STIM1: variants seen among roughly 807,000 people sequenced by gnomAD.
STIM1 encodes stromal interaction molecule 1.
Under a neutral mutation model 74.7 loss-of-function variants are expected in STIM1, and 25 were observed. The ratio of observed to expected loss-of-function variants is 0.33; its 90% CI spans 0.24 to 0.47. STIM1 has a LOEUF of 0.47. Ranked by LOEUF, STIM1 falls within the 20% of genes least tolerant of loss-of-function variation. The probability of loss-of-function intolerance (pLI) is 1.00; values close to 1 mark genes in which losing one functional copy is unlikely to be tolerated. For missense variants in STIM1, 728 were observed against 920.8 expected (o/e 0.79, Z 2.71); for synonymous variants, 328 against 348.8 (o/e 0.94, Z 0.66).
rs1452752274 is a variant in STIM1 at position 3,920,985 on chromosome 11, G to A, written c.140-46567G>A. ...TAATTTTTGTATTTTTAGTAGAGACGGGGTTTCACCATGTTGACCAGGCTG... is the reference window on the plus strand; with the variant it reads ...TAATTTTTGTATTTTTAGTAGAGACAGGGTTTCACCATGTTGACCAGGCTG... On this transcript the variant is annotated intron_variant, in intron 1 of 12. Coordinates refer to ENST00000526596, the MANE Select transcript of STIM1 (RefSeq NM_001382567.1). 4.0e-5 allele frequency among the ~76,000 whole-genome samples: 6 copies of A among 151,832 alleles called. No homozygotes were observed. The East Asian group carries it at 5.8e-4, about 15-fold the overall frequency.
At chr11:3,972,565 G>T (rs2093406836) in intron 2 of STIM1, among the ~76,000 whole-genome samples, 1 of 151,992 alleles carries the variant, frequency 6.6e-6, no homozygotes, top group South Asian at 2.1e-4. Context: ...CTCTTTGTTG[G>T]CATGCTTTAC....
At chr11:3,991,444 T>C (rs543981807) in intron 2 of STIM1, among the ~76,000 whole-genome samples, 199 of 152,030 alleles carry the variant, frequency 1.3e-3, no homozygotes, top group Non-Finnish European at 2.5e-3. Context: ...GTGCTGGTAT[T>C]ACAGGCGTGA....
intron 1 of STIM1, among the ~76,000 whole-genome samples, chr11:3,957,654 T>G (rs945768090): frequency 3.3e-5 from 5 of 152,094 alleles, no homozygotes; most frequent in African/African-American, 1.2e-4. Flanking sequence ...ACTCCTGGAC[T>G]CGAGCAGTCC....
intron 3 of STIM1, among the ~76,000 whole-genome samples, chr11:4,039,824 G>T (rs971078989): frequency 2.0e-5 from 3 of 151,986 alleles, no homozygotes; most frequent in African/African-American, 7.2e-5. Context: ...CTGGAGTACA[G>T]TGGCGTGATC....
chr11:3,948,145 T>C (rs897865551), intron 1 of STIM1, among the ~76,000 whole-genome samples: 1 of 152,142 alleles, frequency 6.6e-6, no homozygotes, highest in Non-Finnish European at 1.5e-5. Flanking sequence ...GGGAGACTTA[T>C]AGGGCGCGGA....
chr11:3,879,024 T>C lies in STIM1; in HGVS notation c.139+22615T>C, dbSNP rs1006602893. Among the ~76,000 whole-genome samples, 4 of 152,050 alleles carry C rather than the reference T, an allele frequency of 2.6e-5. No homozygotes were observed. In the South Asian group the frequency reaches 6.2e-4, roughly 24 times the overall value. On this transcript the variant is annotated intron_variant, in intron 1 of 12. Coordinates refer to ENST00000526596, the MANE Select transcript of STIM1 (RefSeq NM_001382567.1). ...AGGCTGGAGTGCAGTGGCGTGATCT[T>C]GGCTCACTGCAACCTCCGCCTCCCG...
At chr11:4,026,053 C>A (rs946855163) in intron 3 of STIM1, among the ~76,000 whole-genome samples, 2 of 152,126 alleles carry the variant, frequency 1.3e-5, no homozygotes, top group Admixed American at 1.3e-4. Context: ...CAGAAAAAGG[C>A]CCCTAATCTC....
At chr11:4,086,767 C>T (rs1480820512) in intron 12 of STIM1, 7 of 1,536,964 alleles carry the variant, frequency 4.6e-6, no homozygotes, top group Non-Finnish European at 5.2e-6. Flanking sequence ...TTATTACCAC[C>T]ACAGCACTTC....
At chr11:3,855,619 G>C (rs2135164320), upstream of STIM1, 4 of 106,484 alleles carry the variant, frequency 3.8e-5, no homozygotes, top group South Asian at 3.6e-4. Flanking sequence ...GGAGACGCAC[G>C]CCCCCGCCCG....
chr11:3,935,142 T>C (rs1395375827), intron 1 of STIM1, among the ~76,000 whole-genome samples: 1 of 152,250 alleles, frequency 6.6e-6, no homozygotes, highest in Non-Finnish European at 1.5e-5. Context: ...TCTCTTGGCT[T>C]GTCCTGAGAT....
intron 1 of STIM1, among the ~76,000 whole-genome samples, chr11:3,923,499 C>T (rs1565116845): frequency 3.3e-5 from 5 of 150,902 alleles, no homozygotes; most frequent in Admixed American, 1.3e-4. Flanking sequence ...ATCCCAGCTA[C>T]TTGGGAGGCT....
chr11:3,951,966 T>C (rs1028280011), intron 1 of STIM1, among the ~76,000 whole-genome samples: 4 of 152,108 alleles, frequency 2.6e-5, no homozygotes, highest in Non-Finnish European at 5.9e-5. Context: ...TAAAGACCTG[T>C]GGTATGTGGG....
chr11:3,959,620 G>T (rs900393116), intron 1 of STIM1, among the ~76,000 whole-genome samples: 5 of 152,162 alleles, frequency 3.3e-5, no homozygotes, highest in African/African-American at 1.2e-4. Context: ...TGCACAAAGT[G>T]CTTTGGAGCA....
chr11:3,893,067 G>A (rs2091946990), intron 1 of STIM1, among the ~76,000 whole-genome samples: 2 of 152,190 alleles, frequency 1.3e-5, no homozygotes, highest in Admixed American at 1.3e-4. Context: ...GTTCTTTGTG[G>A]AACAGGCTGC....
Position 3,972,472 on chromosome 11 carries a change from T to G in STIM1, c.270+4790T>G, listed in dbSNP as rs185351913. The stretch of plus-strand genomic sequence containing the variant: ...GATTCATTTTCATTTCTTTTTTTTA[T>G]AGACACATTTATTCAGCATCACGAT... On this transcript the variant is annotated intron_variant, in intron 2 of 12. Coordinates refer to ENST00000526596, the MANE Select transcript of STIM1 (RefSeq NM_001382567.1). Among the ~76,000 whole-genome samples the G allele has an allele frequency of 9.2e-5, 14 of 152,296 alleles. No homozygotes were observed. The East Asian group carries it at 2.7e-3, about 29-fold the overall frequency.
At chr11:3,915,748 G>A (rs546543363) in intron 1 of STIM1, among the ~76,000 whole-genome samples, 26 of 152,128 alleles carry the variant, frequency 1.7e-4, no homozygotes, top group Non-Finnish European at 1.6e-4. Flanking sequence ...TGTTGTTTGT[G>A]CTTTTGTGTT....
At chr11:4,083,632 A>G (rs972580845) in intron 10 of STIM1, 134 bp downstream of exon 10, 14 of 826,172 alleles carry the variant, frequency 1.7e-5, no homozygotes, top group Middle Eastern at 3.0e-4. Context: ...ACCTTGGTCA[A>G]TAAAGCACAA....
At chr11:3,920,293 C>T (rs905365165) in intron 1 of STIM1, among the ~76,000 whole-genome samples, 2 of 151,938 alleles carry the variant, frequency 1.3e-5, no homozygotes, top group Non-Finnish European at 2.9e-5. Flanking sequence ...TTTGTGTAAC[C>T]GTTACCACTA....
chr11:4,059,164 G>A, intron 4 of STIM1, 117 bp from the exon 5 acceptor site: 1 of 904,242 alleles, frequency 1.1e-6, no homozygotes, highest in Middle Eastern at 2.8e-4. Flanking sequence ...GTTCTAGAGT[G>A]CAGAGGGGAG....
Sources: allele counts gnomAD v4.1 joint callset (sites outside exome capture counted in the v4.1 genomes callset), GRCh38; gene constraint gnomAD v4.1.1; transcripts MANE v1.5; gene names NCBI Gene and HGNC (gene_info 2026-07-23, HGNC 2026-07-21).